The following KCNH3 variants were observed in gnomAD, a reference collection of about 807,000 sequenced individuals.
KCNH3 encodes voltage-gated inwardly rectifying potassium channel KCNH3.
A neutral mutation model predicts 95.6 loss-of-function variants in KCNH3; 36 were observed. The observed-to-expected ratio is 0.38, with a 90% confidence interval of 0.29 to 0.50. The LOEUF (loss-of-function observed/expected upper bound fraction) is 0.50, where lower values mean the gene tolerates loss of function less well. Ranked by LOEUF, KCNH3 falls within the 20% of genes least tolerant of loss-of-function variation. KCNH3 has a pLI of 0.95. For synonymous variants in KCNH3, 620 were observed against 646.3 expected (o/e 0.96, Z 0.62); for missense variants, 1,030 against 1,484.1 (o/e 0.69, Z 5.03).
Position 49,550,319 on chromosome 12 carries a change from C to T in KCNH3, c.1908C>T (p.Leu636=), listed in dbSNP as rs182924858. ...SMEVLKGGTV[L]AILGKGDLIG... is the part of the protein sequence containing the mutation. ...AGGTGCTCAAGGGTGGCACCGTGCT[C>T]GCCATCCTAGGTTTGTGAGGGTGGG... The change falls in exon 10 of 15, where the codon CTC becomes CTT. Residue 636 remains leucine (L), a synonymous_variant. Coordinates refer to ENST00000257981, the MANE Select transcript of KCNH3 (RefSeq NM_012284.3). 4.4e-5 allele frequency: 70 copies of T among 1,602,150 alleles called. No homozygotes were observed. In the Admixed American group the frequency reaches 9.2e-4, roughly 21 times the overall value.
intron 11 of KCNH3, 116 bp downstream of exon 11, chr12:49,554,670 TC>T (rs1352552164): frequency 1.1e-6 from 1 of 906,176 alleles, no homozygotes. Flanking sequence ...GTATGAAAGC[TC>T]CCACCTTGGG....
chr12:49,554,232 A>AGGCCC, intron 10 of KCNH3, 105 bp from the exon 11 acceptor site: 2 of 877,628 alleles, frequency 2.3e-6, no homozygotes, highest in Non-Finnish European at 3.7e-6. Flanking sequence ...TCAGCTACAG[A>AGGCCC]GGCCCAGCCC....
At position 49,558,184 on chromosome 12, in the gene KCNH3, C is replaced by T; in HGVS notation, c.*231C>T. On this transcript the variant is annotated 3_prime_UTR_variant, in exon 15 of 15. Transcript: ENST00000257981. The stretch of plus-strand genomic sequence containing the variant: ...GCTCCTCTGACCTCCCGGTCTCCCT[C>T]TGCAGGCTGGGGGCAGAGGCCTGAG... The T allele has an allele frequency of 2.4e-6, 1 of 424,466 alleles. No homozygotes were observed. The highest frequency in any genetic ancestry group is 4.0e-6 in the Non-Finnish European group (1 of 247,258). 26.3% of individuals were successfully genotyped at this position (424,466 alleles called of 1,614,324 possible). A position where few individuals can be genotyped will look rare whatever the true frequency, so the allele number is the denominator to read the frequency against.
chr12:49,554,494 C>T lies in KCNH3; in HGVS notation c.2076C>T (p.Phe692=), dbSNP rs751975762. 3.7e-6 allele frequency: 6 copies of T among 1,613,798 alleles called. No homozygotes were observed. The highest frequency in any genetic ancestry group is 1.7e-5 in the Admixed American group (1 of 60,036). ...LALYPEFAPR[F]SRGLRGELSY... ...TGTACCCCGAGTTTGCCCCGCGCTT[C>T]AGTCGTGGCCTCCGAGGGGAGCTCA... Residue 692 remains phenylalanine, a synonymous_variant, in exon 11 of 15, where the codon TTC becomes TTT. Coordinates refer to ENST00000257981, the MANE Select transcript of KCNH3 (RefSeq NM_012284.3).
chr12:49,546,732 C>G (rs1938075240), intron 7 of KCNH3, among the ~76,000 whole-genome samples: 1 of 152,196 alleles, frequency 6.6e-6, no homozygotes, highest in Non-Finnish European at 1.5e-5. Flanking sequence ...TCAGGGGTTG[C>G]TGATGCCCCA....
chr12:49,554,976 C>T (rs7970241), intron 11 of KCNH3, among the ~76,000 whole-genome samples: 31,306 of 151,974 alleles, frequency 0.21, 4,912 homozygotes, highest in African/African-American at 0.45. Flanking sequence ...TTTTGAATTT[C>T]CCTGGATTGT....
intron 5 of KCNH3, 40 bp downstream of exon 5, chr12:49,543,558 C>A (rs370084652): frequency 3.8e-6 from 6 of 1,574,014 alleles, no homozygotes; most frequent in Non-Finnish European, 5.2e-6. Context: ...CCTTTGCTGG[C>A]GCCCTGGGGC....
rs757615535 is a variant in KCNH3, at chr12:49,542,766, G to A, written c.506G>A (p.Arg169Gln). The change falls in exon 4 of 15, where the codon CGG becomes CAG. Residue 169 changes from arginine to glutamine, a missense_variant. Around this residue, in one of 9 missense-constraint regions of KCNH3, gnomAD observed 92 missense variants for 92.7 expected, o/e 0.99. Transcript: ENST00000257981. ...AAAGGCTTCAATGCCAACCGGCGGC[G>A]GAGCCGGGCCGTGCTCTACCACCTG... is the stretch of plus-strand genomic sequence containing the variant. ...RSKGFNANRR[R>Q]SRAVLYHLSG... The A allele has an allele frequency of 1.5e-5, 24 of 1,593,908 alleles. No homozygotes were observed. The highest frequency in any genetic ancestry group is 1.7e-4 in the Middle Eastern group (1 of 6,046).
intron 4 of KCNH3, 128 bp from the exon 5 acceptor site, chr12:49,543,147 C>G: frequency 8.5e-6 from 9 of 1,058,362 alleles, no homozygotes; most frequent in Non-Finnish European, 1.2e-5. Context: ...CTAATGCCAT[C>G]TCGAAGCAGA....
chr12:49,546,646 T>G (rs983006019), intron 7 of KCNH3, among the ~76,000 whole-genome samples: 1 of 152,196 alleles, frequency 6.6e-6, no homozygotes, highest in East Asian at 1.9e-4. Context: ...CTCCTTGGTG[T>G]GCGAGCCCCC....
chr12:49,544,134 G>C (rs565383685), intron 6 of KCNH3, 41 bp from the exon 7 acceptor site: 3 of 1,597,212 alleles, frequency 1.9e-6, no homozygotes, highest in Non-Finnish European at 2.6e-6. Flanking sequence ...GGGCCGGCCC[G>C]CTGACCTCCC....
At chr12:49,552,354 G>C (rs1938291544) in intron 10 of KCNH3, among the ~76,000 whole-genome samples, 1 of 152,126 alleles carries the variant, frequency 6.6e-6, no homozygotes, top group Non-Finnish European at 1.5e-5. Flanking sequence ...CTGTGCCCTG[G>C]GCCTTTGCCT....
At chr12:49,556,670 C>G (rs1374544718) in intron 13 of KCNH3, 194 bp downstream of exon 13, 3 of 700,326 alleles carry the variant, frequency 4.3e-6, no homozygotes, top group Non-Finnish European at 7.8e-6. Context: ...AATTTCGACG[C>G]AGCCAGGAAC....
chr12:49,555,879 C>G lies in KCNH3; in HGVS notation c.2396C>G (p.Ala799Gly). ...GALKAEAGPS[A>G]PPRALEGLRL... is the part of the protein sequence containing the mutation. ...TTGAAGGCTGAGGCTGGCCCCTCTG[C>G]TCCCCCACGGGCCCTAGAGGGGCTA... The change falls in exon 12 of 15, where the codon GCT (alanine) becomes GGT (glycine). Residue 799 changes from alanine (A) to glycine (G), a missense_variant. Physicochemically the swap from Ala to Gly is moderately conservative, Grantham distance 60 (BLOSUM62 0). Coordinates refer to ENST00000257981, the MANE Select transcript of KCNH3 (RefSeq NM_012284.3). 2.5e-6 allele frequency: 4 copies of G among 1,607,732 alleles called. No individual in the cohort carries two copies. Among genetic ancestry groups the G allele is most frequent in the Non-Finnish European group, 3.4e-6 (4 of 1,176,752 alleles).
chr12:49,549,303 G>C lies in KCNH3; in HGVS notation c.1468+130G>C, dbSNP rs1938176288. Reference sequence around the variant, plus strand: ...TTAGGTGGCCGCGGAACCCGAGGCCGGGGGTGGGGGAGACTTCGCCCGCAC... The same window carrying C: ...TTAGGTGGCCGCGGAACCCGAGGCCCGGGGTGGGGGAGACTTCGCCCGCAC... On this transcript the variant is annotated intron_variant, in intron 8 of 14. Transcript: ENST00000257981. 7 of 1,446,394 alleles carry C rather than the reference G, an allele frequency of 4.8e-6. No individual in the cohort carries two copies. The East Asian group carries it at 1.6e-4, about 33-fold the overall frequency. The allele number at this position is 1,446,394 out of a possible 1,614,324, so 89.6% of individuals were successfully genotyped here.
chr12:49,551,594 A>G (rs1002064512), intron 10 of KCNH3, among the ~76,000 whole-genome samples: 61 of 151,566 alleles, frequency 4.0e-4, no homozygotes, highest in African/African-American at 1.2e-3. Flanking sequence ...AAAAAAAAAA[A>G]AAAAGAAAAG....
intron 3 of KCNH3, among the ~76,000 whole-genome samples, chr12:49,542,112 G>A (rs915488125): frequency 2.0e-5 from 3 of 152,228 alleles, no homozygotes; most frequent in African/African-American, 7.2e-5. Flanking sequence ...CTGACTGGGG[G>A]TGGAGCTCTG....
chr12:49,542,874 G>A, intron 4 of KCNH3, 35 bp downstream of exon 4: 1 of 1,596,746 alleles, frequency 6.3e-7, no homozygotes, highest in Non-Finnish European at 8.5e-7. Flanking sequence ...GGAGAGGGGA[G>A]GGGCAGACGC....
chr12:49,554,043 GTCTC>G (rs1938349228), intron 10 of KCNH3, among the ~76,000 whole-genome samples: 1 of 152,238 alleles, frequency 6.6e-6, no homozygotes, highest in African/African-American at 2.4e-5. Context: ...CTGATGTTCA[GTCTC>G]TCTCAGGGCT....
Sources: gnomAD v4.1 joint callset for allele counts (sites outside exome capture counted in the v4.1 genomes callset) on GRCh38, gnomAD v4.1.1 for gene constraint, gnomAD v4.1.1 regional missense constraint, MANE v1.5 for transcripts, NCBI Gene and HGNC (gene_info 2026-07-23, HGNC 2026-07-21) for gene names.